Variants in FRAS1 observed in about 807,000 individuals in gnomAD.
The protein encoded by FRAS1 is Fraser extracellular matrix complex subunit 1.
FRAS1 carries 290 observed loss-of-function variants against 435.2 expected under a neutral mutation model. That is an observed-to-expected ratio of 0.67 (90% CI 0.61 to 0.73). The LOEUF (loss-of-function observed/expected upper bound fraction) is 0.73, where lower values mean the gene tolerates loss of function less well. Ranked by LOEUF, FRAS1 falls within the 30% of genes least tolerant of loss-of-function variation. The pLI is 0.00. For synonymous variants in FRAS1, 1,800 were observed against 1,851.0 expected (o/e 0.97, Z 0.71); for missense variants, 4,860 against 5,001.5 (o/e 0.97, Z 0.85).
At chr4:78,267,894 AC>A (rs1726448911) in intron 9 of FRAS1, among the ~76,000 whole-genome samples, 1 of 152,164 alleles carries the variant, frequency 6.6e-6, no homozygotes, top group South Asian at 2.1e-4. Context: ...TCAGGAAAAA[AC>A]ATAACATGCT....
chr4:78,470,103 C>T lies in FRAS1; in HGVS notation c.7371+12C>T. On this transcript the variant is annotated intron_variant, in intron 51 of 73. Transcript: ENST00000512123. The stretch of plus-strand genomic sequence containing the variant: ...ACATGGATGGCAAGGTAAGGCCTGT[C>T]CCTCTGTCATGTTCACACCACCCAA... 6.4e-7 allele frequency: 1 copy of T among 1,557,918 alleles called. No homozygotes were observed. Among genetic ancestry groups the T allele is most frequent in the Non-Finnish European group, 8.8e-7 (1 of 1,131,704 alleles).
intron 19 of FRAS1, 41 bp from the exon 20 acceptor site, chr4:78,337,633 T>C (rs989423748): frequency 6.3e-7 from 1 of 1,594,464 alleles, no homozygotes; most frequent in East Asian, 2.2e-5. Flanking sequence ...ATATACATGC[T>C]GAGCTGCTAA....
chr4:78,512,871 A>G (rs1010017405), intron 64 of FRAS1, among the ~76,000 whole-genome samples: 3 of 152,226 alleles, frequency 2.0e-5, no homozygotes, highest in African/African-American at 4.8e-5. Flanking sequence ...GAGAGACAGT[A>G]TAAGTAGCTG....
intron 4 of FRAS1, among the ~76,000 whole-genome samples, 198 bp downstream of exon 4, chr4:78,245,523 G>A (rs145874858): frequency 6.6e-6 from 1 of 152,268 alleles, no homozygotes; most frequent in African/African-American, 2.4e-5. Context: ...ATAAATATTT[G>A]TAGATTGAAT....
intron 14 of FRAS1, among the ~76,000 whole-genome samples, chr4:78,293,984 A>G (rs1422738162): frequency 6.6e-6 from 1 of 152,248 alleles, no homozygotes. Flanking sequence ...ATTCTTCCCG[A>G]CAAATCTGAA....
chr4:78,388,818 AATAAATAGC>A (rs1158061771), intron 29 of FRAS1, among the ~76,000 whole-genome samples: 2 of 152,060 alleles, frequency 1.3e-5, no homozygotes, highest in Admixed American at 6.5e-5. Flanking sequence ...TAAATAAATA[AATAAATAGC>A]ATTTTTGCTC....
intron 6 of FRAS1, chr4:78,264,816 G>C: frequency 1.5e-6 from 1 of 659,704 alleles, no homozygotes; most frequent in Non-Finnish European, 2.8e-6. Context: ...CAGGACTTGA[G>C]GCATGTGCAA....
At chr4:78,389,992 C>CAG (rs1485149009) in intron 29 of FRAS1, among the ~76,000 whole-genome samples, 1 of 152,170 alleles carries the variant, frequency 6.6e-6, no homozygotes, top group Non-Finnish European at 1.5e-5. Context: ...TTTCATCCCT[C>CAG]TCTCCTGTAT....
rs559146269 is a variant in FRAS1 at position 78,072,331 on chromosome 4, A to C, written c.108+6315A>C. On this transcript the variant is annotated intron_variant, in intron 2 of 73. Coordinates refer to ENST00000512123, the MANE Select transcript of FRAS1 (RefSeq NM_025074.7). ...CTATAGTGTTACTTTTTAAAACTTG[A>C]AACAGTTAACACACAAGAGATAGCC... Among the ~76,000 whole-genome samples, 10 of 152,302 alleles carry C rather than the reference A, an allele frequency of 6.6e-5. 1 individual carries two copies. The South Asian group carries it at 1.5e-3, about 22-fold the overall frequency.
In FRAS1 at chr4:78,275,002, A is replaced by G. The variant is rs1726920793; in HGVS notation, c.982-3653A>G. 2.0e-5 allele frequency among the ~76,000 whole-genome samples: 3 copies of G among 152,176 alleles called. 1 individual carries two copies. Among genetic ancestry groups the G allele is most frequent in the East Asian group, 1.9e-4 (1 of 5,200 alleles). On this transcript the variant is annotated intron_variant, in intron 9 of 73. Coordinates refer to ENST00000512123, the MANE Select transcript of FRAS1 (RefSeq NM_025074.7). ...GCTTTATGAATCTGGGTGCTCCTGT[A>G]TTGGGTTCATATATATTTAGGATAG... is the stretch of plus-strand genomic sequence containing the variant.
At chr4:78,538,398 T>C (rs1018964220) in intron 72 of FRAS1, among the ~76,000 whole-genome samples, 1 of 152,162 alleles carries the variant, frequency 6.6e-6, no homozygotes, top group African/African-American at 2.4e-5. Context: ...TATCCCACTT[T>C]TTGCATTTTG....
rs779370839 is a variant in FRAS1, at chr4:78,499,760, G to A, written c.9155G>A (p.Arg3052Gln). ...TTTGAAGAAGCTGCATACCAAGTCCGGGAACCCGCAGGCCCAGATGCCATT... is the reference window on the plus strand; with the variant it reads ...TTTGAAGAAGCTGCATACCAAGTCCAGGAACCCGCAGGCCCAGATGCCATT... ...IEFEEAAYQV[R>Q]EPAGPDAIAI... Residue 3052 changes from arginine to glutamine, a missense_variant, in exon 61 of 74, where the codon CGG becomes CAG. Arg to Gln is a conservative substitution (Grantham distance 43). Transcript: ENST00000512123. 2.0e-5 allele frequency: 32 copies of A among 1,613,724 alleles called. No individual in the cohort carries two copies. Among genetic ancestry groups the A allele is most frequent in the African/African-American group, 9.3e-5 (7 of 74,898 alleles).
At chr4:78,396,113 A>G (rs983691499) in intron 29 of FRAS1, among the ~76,000 whole-genome samples, 1 of 152,144 alleles carries the variant, frequency 6.6e-6, no homozygotes, top group African/African-American at 2.4e-5. Flanking sequence ...CCAATTGCAT[A>G]CAAAACTGTT....
intron 2 of FRAS1, among the ~76,000 whole-genome samples, chr4:78,072,911 C>A (rs763237716): frequency 1.3e-5 from 2 of 152,018 alleles, no homozygotes; most frequent in Non-Finnish European, 2.9e-5. Context: ...CAAACAGAAT[C>A]GGGATGAGTT....
At position 78,450,326 on chromosome 4, in the gene FRAS1, A is replaced by G; in HGVS notation, c.6450A>G (p.Ala2150=). 6.2e-7 allele frequency: 1 copy of G among 1,613,844 alleles called. No individual in the cohort carries two copies. ...IKGPIRSFTQ[A]DISQGHVEYS... is the part of the protein sequence containing the mutation. ...GCCCCATCCGAAGTTTCACCCAGGC[A>G]GACATTAGCCAAGGTCAGCCAGTTC... The change falls in exon 45 of 74, where the codon GCA becomes GCG. Residue 2150 remains alanine (A), a synonymous_variant. Transcript: ENST00000512123.
At chr4:78,234,967 A>G (rs1724686158) in intron 2 of FRAS1, among the ~76,000 whole-genome samples, 3 of 152,212 alleles carry the variant, frequency 2.0e-5, no homozygotes, top group African/African-American at 7.2e-5. Context: ...AGAGAGATTT[A>G]TTTTAAGGGA....
intron 33 of FRAS1, among the ~76,000 whole-genome samples, chr4:78,419,752 G>T (rs1000022613): frequency 6.6e-6 from 1 of 152,206 alleles, no homozygotes. Flanking sequence ...TGTACAGGAA[G>T]CATGGATGGG....
intron 20 of FRAS1, among the ~76,000 whole-genome samples, chr4:78,357,880 A>C (rs1433871687): frequency 1.3e-5 from 2 of 152,190 alleles, no homozygotes; most frequent in Non-Finnish European, 2.9e-5. Flanking sequence ...CAGTGTGGGC[A>C]ACAGAGGGAC....
chr4:78,199,751 G>T (rs1286163590), intron 2 of FRAS1, among the ~76,000 whole-genome samples: 3 of 152,182 alleles, frequency 2.0e-5, no homozygotes, highest in Non-Finnish European at 4.4e-5. Flanking sequence ...AATAAGTAGT[G>T]CATTAGGATC....
Sources: gnomAD v4.1 joint callset for allele counts (sites outside exome capture counted in the v4.1 genomes callset) on GRCh38, gnomAD v4.1.1 for gene constraint, MANE v1.5 for transcripts, NCBI Gene and HGNC (gene_info 2026-07-23, HGNC 2026-07-21) for gene names.